The following SCN9A variants were observed in gnomAD, a reference collection of about 807,000 sequenced individuals.
SCN9A encodes sodium channel protein type 9 subunit alpha.
In SCN9A, 131 loss-of-function variants were observed where a neutral mutation model predicts 187.0. The observed-to-expected ratio is 0.70, with a 90% CI of 0.61 to 0.81. The LOEUF (loss-of-function observed/expected upper bound fraction) is 0.81, where lower values mean the gene tolerates loss of function less well. Ranked by LOEUF, SCN9A falls within the 30% of genes least tolerant of loss-of-function variation. SCN9A has a pLI of 0.00. For missense variants in SCN9A, 2,252 were observed against 2,396.6 expected, an observed-to-expected ratio of 0.94 and a Z score of 1.26; for synonymous variants, 809 against 808.6, an observed-to-expected ratio of 1.00 and a Z score of -0.01.
intron 9 of SCN9A, among the ~76,000 whole-genome samples, chr2:166,292,462 A>G (rs890384852): frequency 6.6e-6 from 1 of 152,118 alleles, no homozygotes; most frequent in Non-Finnish European, 1.5e-5. Flanking sequence ...TGCATCTTAC[A>G]TAATTTCCGA....
intron 14 of SCN9A, 60 bp from the exon 15 acceptor site, chr2:166,278,373 A>G: frequency 2.3e-6 from 3 of 1,329,140 alleles, no homozygotes; most frequent in Non-Finnish European, 2.1e-6. Flanking sequence ...CAACACAATG[A>G]TAATAATCAC....
chr2:166,311,857 G>A lies in SCN9A; in HGVS notation c.-50-51C>T. ...CTTAACTATTTGCCTGCCAAGAAAG[G>A]CCCATTAAAAACTAATAATAACAAC... On this transcript the variant is annotated intron_variant, in intron 1 of 26. Coordinates refer to ENST00000642356, the MANE Select transcript of SCN9A (RefSeq NM_001365536.1). 9 of 1,188,784 alleles carry A rather than the reference G, an allele frequency of 7.6e-6. No individual in the cohort carries two copies. The South Asian group carries it at 1.2e-4, about 15-fold the overall frequency. 73.6% of individuals were successfully genotyped at this position (1,188,784 alleles called of 1,614,324 possible). A position where few individuals can be genotyped will look rare whatever the true frequency, so the allele number is the denominator to read the frequency against.
chr2:166,322,789 C>G (rs957470538), intron 1 of SCN9A, among the ~76,000 whole-genome samples: 6 of 152,038 alleles, frequency 3.9e-5, no homozygotes, highest in African/African-American at 9.7e-5. Context: ...AGTAGTGAGT[C>G]TAGGACAAGT....
intron 24 of SCN9A, among the ~76,000 whole-genome samples, chr2:166,214,503 CTTTTTTTTTTTT>C (rs34494272): frequency 1.6e-5 from 1 of 64,274 alleles, no homozygotes; most frequent in Non-Finnish European, 2.9e-5. Context: ...TACAATCTTT[CTTTTTTTTTTTT>C]TTTTTTTTTG....
intron 9 of SCN9A, among the ~76,000 whole-genome samples, chr2:166,290,773 A>C (rs1276625672): frequency 2.0e-5 from 3 of 152,084 alleles, no homozygotes; most frequent in Non-Finnish European, 4.4e-5. Flanking sequence ...AGGCTGGTTC[A>C]ATATATGCAA....
intron 1 of SCN9A, among the ~76,000 whole-genome samples, chr2:166,331,447 C>T (rs187164514): frequency 1.2e-4 from 19 of 152,284 alleles, no homozygotes; most frequent in Non-Finnish European, 2.2e-4. Context: ...TGTACAGTGT[C>T]CTTATTCAGA....
intron 1 of SCN9A, among the ~76,000 whole-genome samples, chr2:166,349,832 C>A (rs866709551): frequency 6.6e-6 from 1 of 151,798 alleles, no homozygotes; most frequent in Non-Finnish European, 1.5e-5. Flanking sequence ...ATTAGCCAGG[C>A]GTGGTGGGGC....
In SCN9A at chr2:166,305,916, T is replaced by C; in HGVS notation, c.472A>G (p.Thr158Ala). The change falls in exon 5 of 27, where the codon ACT (threonine) becomes GCT (alanine). Residue 158 changes from threonine to alanine, a missense_variant. This residue lies in a region of SCN9A where 1,013 missense variants were observed against 997.4 expected (regional missense o/e 1.02). Transcript: ENST00000642356. Reference protein sequence around the residue: ...PPDWTKNVEYTFTGIYTFESL... With the variant: ...PPDWTKNVEYAFTGIYTFESL... ...TCAAAAGTATATATTCCAGTAAAAG[T>C]GTACCTAAACACAAGATTCCATTGG... The C allele has an allele frequency of 6.2e-7, 1 of 1,612,688 alleles. No individual in the cohort carries two copies. Among genetic ancestry groups the C allele is most frequent in the Non-Finnish European group, 8.5e-7 (1 of 1,179,254 alleles).
At chr2:166,360,333 G>T (rs974186309) in intron 1 of SCN9A, among the ~76,000 whole-genome samples, 1 of 150,860 alleles carries the variant, frequency 6.6e-6, no homozygotes, top group Non-Finnish European at 1.5e-5. Flanking sequence ...ATATCTGAAC[G>T]TTTTAATAAA....
intron 20 of SCN9A, among the ~76,000 whole-genome samples, chr2:166,235,270 A>G (rs1173508297): frequency 6.6e-6 from 1 of 151,666 alleles, no homozygotes; most frequent in Non-Finnish European, 1.5e-5. Context: ...GAATATATGC[A>G]TATTATTAAG....
intron 21 of SCN9A, among the ~76,000 whole-genome samples, chr2:166,229,950 G>T (rs890730034): frequency 6.6e-6 from 1 of 152,194 alleles, no homozygotes; most frequent in Non-Finnish European, 1.5e-5. Flanking sequence ...GTTAGGGAAG[G>T]AGCACTGGGA....
Position 166,215,114 on chromosome 2 carries a change from A to T in SCN9A, c.4399-10650T>A, listed in dbSNP as rs1322861362. ...ATATCGAGTATGTTTTCTGTTCATG[A>T]TGACATGAAACTAGAAGTCAATAAG... On this transcript the variant is annotated intron_variant, in intron 24 of 26. Coordinates refer to ENST00000642356, the MANE Select transcript of SCN9A (RefSeq NM_001365536.1). 2.0e-5 allele frequency among the ~76,000 whole-genome samples: 3 copies of T among 152,344 alleles called. No individual in the cohort carries two copies. The East Asian group carries it at 5.8e-4, about 29-fold the overall frequency.
chr2:166,323,440 T>C (rs1365016403), intron 1 of SCN9A, among the ~76,000 whole-genome samples: 1 of 152,168 alleles, frequency 6.6e-6, no homozygotes, highest in Non-Finnish European at 1.5e-5. Flanking sequence ...ACCCTTCACA[T>C]AGGGAAAATC....
At chr2:166,278,957 A>C (rs1396982604) in intron 14 of SCN9A, among the ~76,000 whole-genome samples, 1 of 152,180 alleles carries the variant, frequency 6.6e-6, no homozygotes, top group Non-Finnish European at 1.5e-5. Context: ...GAATCTGACC[A>C]AAGAAGATTC....
chr2:166,240,964 A>G (rs1268622043), intron 19 of SCN9A, among the ~76,000 whole-genome samples: 1 of 152,178 alleles, frequency 6.6e-6, no homozygotes, highest in East Asian at 1.9e-4. Flanking sequence ...ATTCAGGCTC[A>G]TATAATGCCC....
chr2:166,302,342 T>C (rs1698591950), intron 7 of SCN9A: 1 of 152,206 alleles, frequency 6.6e-6, no homozygotes, highest in Non-Finnish European at 1.5e-5. Context: ...TCATGCTTTA[T>C]GTAAGAAACT....
chr2:166,233,035 C>T (rs1196441837), intron 21 of SCN9A, among the ~76,000 whole-genome samples: 1 of 145,464 alleles, frequency 6.9e-6, no homozygotes, highest in Non-Finnish European at 1.5e-5. Context: ...TGCATATATA[C>T]TATTAGTATA....
intron 24 of SCN9A, among the ~76,000 whole-genome samples, chr2:166,218,919 A>G (rs1416091644): frequency 6.6e-6 from 1 of 152,236 alleles, no homozygotes; most frequent in African/African-American, 2.4e-5. Flanking sequence ...ATGAACAGAC[A>G]CTTCTGAAAA....
chr2:166,230,997 C>A (rs574993023), intron 21 of SCN9A, among the ~76,000 whole-genome samples: 28 of 152,242 alleles, frequency 1.8e-4, no homozygotes, highest in Admixed American at 3.3e-4. Context: ...AATAGCCCTG[C>A]GGCATGAATA....
Sources: gnomAD v4.1 joint callset for allele counts (sites outside exome capture counted in the v4.1 genomes callset) on GRCh38, gnomAD v4.1.1 for gene constraint, gnomAD v4.1.1 regional missense constraint, MANE v1.5 for transcripts, NCBI Gene and HGNC (gene_info 2026-07-23, HGNC 2026-07-21) for gene names.